The following ULK2 variants were observed in gnomAD, a reference collection of about 807,000 sequenced individuals.
ULK2 encodes the protein serine/threonine-protein kinase ULK2.
A neutral mutation model predicts 127.5 loss-of-function variants in ULK2; 76 were observed. The observed-to-expected ratio is 0.60, with a 90% CI of 0.50 to 0.72. The LOEUF (loss-of-function observed/expected upper bound fraction) is 0.72. Among genes scored for constraint, ULK2 ranks in the 30% least tolerant of loss-of-function variants. The pLI, the probability that ULK2 is intolerant of heterozygous loss-of-function variation, is 0.00. For missense variants in ULK2, 1,144 were observed against 1,295.9 expected (o/e 0.88, Z 1.80); for synonymous variants, 452 against 461.9 (o/e 0.98, Z 0.28).
chr17:19,826,697 C>T (rs548000787), intron 10 of ULK2, among the ~76,000 whole-genome samples: 16 of 152,070 alleles, frequency 1.1e-4, no homozygotes, highest in African/African-American at 7.2e-5. Context: ...GGCTCACGCC[C>T]GTAAGCCCAG....
At position 19,801,820 on chromosome 17, in the gene ULK2, CCTTCGTCCA is replaced by C; in HGVS notation, c.1389_1397del (p.Gly464_Arg466del). 1 of 1,614,188 alleles carries C rather than the reference CCTTCGTCCA, an allele frequency of 6.2e-7. No individual in the cohort carries two copies. The highest frequency in any genetic ancestry group is 8.5e-7 in the Non-Finnish European group (1 of 1,180,024). Reference sequence around the variant, plus strand: ...AAGGCCTAGAAGACCCAGTGGAGAGCCTTCGTCCAACTGTCTGTGCTGTGTCTGCTGGTA... The same window carrying C: ...AAGGCCTAGAAGACCCAGTGGAGAGCACTGTCTGTGCTGTGTCTGCTGGTA... On this transcript the variant is annotated inframe_deletion, in exon 16 of 27. Transcript: ENST00000395544.
Position 19,780,616 on chromosome 17 carries a change from C to T in ULK2, c.2772G>A (p.Leu924=), listed in dbSNP as rs1201909930. Reference sequence around the variant, plus strand: ...TGATGCAGAATTTATATCGTTCGTTCAGATTCTTGACAACTGAAAAAAAAT... The same window carrying T: ...TGATGCAGAATTTATATCGTTCGTTTAGATTCTTGACAACTGAAAAAAAAT... ...STAVKQVVKN[L]NERYKFCITM... The change falls in exon 25 of 27, where the codon CTG becomes CTA. Residue 924 remains leucine (L), a synonymous_variant. Coordinates refer to ENST00000395544, the MANE Select transcript of ULK2 (RefSeq NM_014683.4). 2 of 1,601,166 alleles carry T rather than the reference C, an allele frequency of 1.2e-6. No individual in the cohort carries two copies. Among genetic ancestry groups the T allele is most frequent in the Non-Finnish European group, 1.7e-6 (2 of 1,176,118 alleles).
At chr17:19,781,612 T>C (rs1310342510) in intron 23 of ULK2, among the ~76,000 whole-genome samples, 1 of 152,140 alleles carries the variant, frequency 6.6e-6, no homozygotes, top group African/African-American at 2.4e-5. Flanking sequence ...TAAAGATGTG[T>C]GTACTGTGAA....
At chr17:19,856,348 C>T (rs1019724632) in intron 3 of ULK2, among the ~76,000 whole-genome samples, 6 of 151,926 alleles carry the variant, frequency 3.9e-5, no homozygotes, top group African/African-American at 1.5e-4. Flanking sequence ...TTTGGGAGGC[C>T]GAGGCAGGCG....
intron 12 of ULK2, 109 bp downstream of exon 12, chr17:19,824,985 A>G: frequency 9.5e-7 from 1 of 1,056,942 alleles, no homozygotes; most frequent in South Asian, 1.6e-5. Flanking sequence ...CAGCTACATT[A>G]GTAAACATTA....
chr17:19,841,458 T>C lies in ULK2; in HGVS notation c.704+31A>G, dbSNP rs750554582. 13 of 1,561,810 alleles carry C rather than the reference T, an allele frequency of 8.3e-6. No individual in the cohort carries two copies. The Admixed American group carries it at 8.5e-5, about 10-fold the overall frequency. On this transcript the variant is annotated intron_variant, in intron 9 of 26. Transcript: ENST00000395544. ...AAATAAACAACACTGTATTCACAAA[T>C]AGTAAAACCCAGTGTAATCTAAACA...
chr17:19,820,057 T>A (rs1048632244), intron 12 of ULK2, among the ~76,000 whole-genome samples: 12 of 150,850 alleles, frequency 8.0e-5, no homozygotes, highest in Admixed American at 5.9e-4. Flanking sequence ...TTATTTATTT[T>A]TTTTTTTTTT....
intron 18 of ULK2, among the ~76,000 whole-genome samples, chr17:19,796,506 A>C (rs1408598924): frequency 1.3e-5 from 2 of 152,142 alleles, no homozygotes; most frequent in African/African-American, 4.8e-5. Context: ...TGGTTCCTGA[A>C]AGCTTAGGTT....
At chr17:19,864,885 A>G (rs1461881532) in intron 2 of ULK2, 41 bp from the exon 3 acceptor site, 17 of 981,956 alleles carry the variant, frequency 1.7e-5, no homozygotes, top group Non-Finnish European at 2.2e-5. Context: ...TAAGTATTCT[A>G]ATGACTTTAC....
chr17:19,801,833 G>A lies in ULK2; in HGVS notation c.1385C>T (p.Thr462Ile), dbSNP rs745969479. ...CSPVPADTAQTVGRRLSTGSS... is the reference protein window; with the variant it reads ...CSPVPADTAQIVGRRLSTGSS... The stretch of plus-strand genomic sequence containing the variant: ...CCCAGTGGAGAGCCTTCGTCCAACT[G>A]TCTGTGCTGTGTCTGCTGGTACTGG... Residue 462 changes from threonine to isoleucine, a missense_variant, in exon 16 of 27, where the codon ACA becomes ATA. Physicochemically the swap from Thr to Ile is moderately conservative, Grantham distance 89. This residue lies in a region of ULK2 where 913 missense variants were observed against 970.5 expected (regional missense o/e 0.94). Transcript: ENST00000395544. 1 of 1,614,244 alleles carries A rather than the reference G, an allele frequency of 6.2e-7. No homozygotes were observed. The highest frequency in any genetic ancestry group is 8.5e-7 in the Non-Finnish European group (1 of 1,180,040).
chr17:19,832,110 A>G (rs1332936512), intron 10 of ULK2, among the ~76,000 whole-genome samples: 1 of 151,970 alleles, frequency 6.6e-6, no homozygotes, highest in African/African-American at 2.4e-5. Flanking sequence ...CGTTGGTGAC[A>G]GAGCAAAACT....
Position 19,846,834 on chromosome 17 carries a change from G to A in ULK2, c.372C>T (p.Ser124=), listed in dbSNP as rs1256808464. 1 of 1,613,856 alleles carries A rather than the reference G, an allele frequency of 6.2e-7. No homozygotes were observed. Among genetic ancestry groups the A allele is most frequent in the Non-Finnish European group, 8.5e-7 (1 of 1,179,988 alleles). Residue 124 remains serine, a synonymous_variant, in exon 6 of 27, where the codon AGC becomes AGT. Transcript: ENST00000395544. ...QIAAAMRILH[S]KGIIHRDLKP... ...TGAGATCTCTGTGGATGATTCCTTT[G>A]CTGTGCAGGATTCGCATGGCAGCAG... is the stretch of plus-strand genomic sequence containing the variant.
At chr17:19,837,058 T>A (rs1410659415) in intron 10 of ULK2, among the ~76,000 whole-genome samples, 1 of 150,732 alleles carries the variant, frequency 6.6e-6, no homozygotes, top group Non-Finnish European at 1.5e-5. Context: ...TGCATTCCAG[T>A]CCAGCCTGGG....
rs1056324889 is a variant in ULK2 at position 19,816,306 on chromosome 17, T to C, written c.1096+443A>G. The stretch of plus-strand genomic sequence containing the variant: ...CACTGGCTCTATTTAGTCACTTGGC[T>C]TCTAGTTCCTTTATGAAAATTCTTC... On this transcript the variant is annotated intron_variant, in intron 13 of 26. Transcript: ENST00000395544. 3.3e-5 allele frequency among the ~76,000 whole-genome samples: 5 copies of C among 152,338 alleles called. No homozygotes were observed. The East Asian group carries it at 9.6e-4, about 29-fold the overall frequency.
chr17:19,865,598 T>C, intron 2 of ULK2, 138 bp downstream of exon 2: 1 of 505,542 alleles, frequency 2.0e-6, no homozygotes, highest in Non-Finnish European at 3.5e-6. Context: ...TTTAAAAAAG[T>C]GAGCATGCAA....
chr17:19,814,587 T>C (rs1019532145), intron 13 of ULK2, among the ~76,000 whole-genome samples: 2 of 151,662 alleles, frequency 1.3e-5, no homozygotes, highest in Non-Finnish European at 2.9e-5. Flanking sequence ...ACTTTTTCTA[T>C]TTTTGGTAAA....
chr17:19,812,219 C>T (rs527603833), intron 13 of ULK2, among the ~76,000 whole-genome samples: 60 of 152,218 alleles, frequency 3.9e-4, no homozygotes, highest in African/African-American at 1.4e-3. Flanking sequence ...ATTTAGAAGC[C>T]GTTAGAATAC....
At chr17:19,783,955 C>T in intron 21 of ULK2, 50 bp from the exon 22 acceptor site, 3 of 1,352,198 alleles carry the variant, frequency 2.2e-6, no homozygotes, top group Non-Finnish European at 2.9e-6. Context: ...AGGGCTTTCA[C>T]ACCCACTCCT....
At chr17:19,794,978 C>G (rs1460748659) in intron 20 of ULK2, among the ~76,000 whole-genome samples, 2 of 151,876 alleles carry the variant, frequency 1.3e-5, no homozygotes, top group African/African-American at 4.8e-5. Context: ...ACTTGGGAGG[C>G]TGAGGCAGGA....
Sources: gnomAD v4.1 joint callset for allele counts (sites outside exome capture counted in the v4.1 genomes callset) on GRCh38, gnomAD v4.1.1 for gene constraint, gnomAD v4.1.1 regional missense constraint, MANE v1.5 for transcripts, NCBI Gene and HGNC (gene_info 2026-07-23, HGNC 2026-07-21) for gene names.